Variants in ATXN7L1 observed in about 807,000 individuals in gnomAD.
ATXN7L1 encodes the protein ataxin 7 like 1, also known as ataxin-7-like protein 1.
ATXN7L1 carries 15 observed loss-of-function variants against 70.8 expected under a neutral mutation model. The observed-to-expected ratio is 0.21, with a 90% CI of 0.14 to 0.33. The LOEUF (loss-of-function observed/expected upper bound fraction) is 0.33. ATXN7L1 is among the 10% of genes least tolerant of loss of function. ATXN7L1 has a pLI of 1.00. For missense variants in ATXN7L1, 975 were observed against 1,097.1 expected, an observed-to-expected ratio of 0.89 and a Z score of 1.57; for synonymous variants, 440 against 445.1, an observed-to-expected ratio of 0.99 and a Z score of 0.14.
intron 7 of ATXN7L1, among the ~76,000 whole-genome samples, chr7:105,626,674 T>C (rs1795738532): frequency 6.6e-6 from 1 of 152,178 alleles, no homozygotes; most frequent in Admixed American, 6.5e-5. Flanking sequence ...TACCTGTTCT[T>C]CTGTATCAGG....
Position 105,664,959 on chromosome 7 carries a change from T to A in ATXN7L1, c.578+107A>T, listed in dbSNP as rs1802394789. ...TTCATTCCTCAGTCCCCCAAATTCC[T>A]GCATGTGACACCTAGGAACAAAGCC... On this transcript the variant is annotated intron_variant, in intron 4 of 11. Coordinates refer to ENST00000419735, the MANE Select transcript of ATXN7L1 (RefSeq NM_020725.2). 3 of 1,144,270 alleles carry A rather than the reference T, an allele frequency of 2.6e-6. No individual in the cohort carries two copies. In the Admixed American group the frequency reaches 7.6e-5, roughly 29 times the overall value. The allele number at this position is 1,144,270 out of a possible 1,614,324, so 70.9% of individuals were successfully genotyped here. A position where few individuals can be genotyped will look rare whatever the true frequency, so the allele number is the denominator to read the frequency against.
chr7:105,876,268 G>A, intron 1 of ATXN7L1, 110 bp downstream of exon 1: 1 of 1,319,398 alleles, frequency 7.6e-7, no homozygotes. Context: ...GAAGCATGGA[G>A]GACACCGGGG....
intron 4 of ATXN7L1, among the ~76,000 whole-genome samples, chr7:105,657,073 A>G (rs471303): frequency 0.3 from 45,076 of 151,958 alleles, 7,273 homozygotes; most frequent in African/African-American, 0.42. Context: ...TCTAAGGGCC[A>G]CGGTCCAGTA....
chr7:105,613,739 G>A lies in ATXN7L1; in HGVS notation c.2472+123C>T, dbSNP rs74347943. 2.6e-5 allele frequency: 39 copies of A among 1,521,570 alleles called. No individual in the cohort carries two copies. The East Asian group carries it at 3.2e-4, about 13-fold the overall frequency. 94.3% of individuals were successfully genotyped at this position (1,521,570 alleles called of 1,614,324 possible). ...AAAGCAGAGGGTGAAAACTGCCTTC[G>A]GGGAAAACGAGAACAGGAATCAAGC... On this transcript the variant is annotated intron_variant, in intron 10 of 11. Coordinates refer to ENST00000419735, the MANE Select transcript of ATXN7L1 (RefSeq NM_020725.2).
At chr7:105,729,301 G>GAATA (rs56308500) in intron 3 of ATXN7L1, among the ~76,000 whole-genome samples, 5,923 of 147,614 alleles carry the variant, frequency 0.04, 150 homozygotes, top group East Asian at 0.076. Context: ...ATGAATGAAT[G>GAATA]AATAAATAAA....
rs1235885066 is a variant in ATXN7L1 at position 105,864,418 on chromosome 7, C to CT, written c.250+11393dup. Among the ~76,000 whole-genome samples, 4 of 132,278 alleles carry CT rather than the reference C, an allele frequency of 3.0e-5. No individual in the cohort carries two copies. In the East Asian group the frequency reaches 9.3e-4, roughly 31 times the overall value. The allele number at this position is 132,278 out of a possible 152,430, so 86.8% of individuals were successfully genotyped here. A position where few individuals can be genotyped will look rare whatever the true frequency, so the allele number is the denominator to read the frequency against. ...CGCTGCAGTGAGCTTGATCATGCCA[C>CT]TGCACTCCAGCCTGGGTGGCAGAGA... On this transcript the variant is annotated intron_variant, in intron 2 of 11. Transcript: ENST00000419735.
intron 3 of ATXN7L1, among the ~76,000 whole-genome samples, chr7:105,736,283 TTTAA>T (rs1371699294): frequency 3.9e-5 from 6 of 152,230 alleles, no homozygotes; most frequent in Non-Finnish European, 8.8e-5. Flanking sequence ...CACATTGCTA[TTTAA>T]TTATTTATGT....
At chr7:105,694,089 C>G (rs1429490604) in intron 3 of ATXN7L1, among the ~76,000 whole-genome samples, 1 of 150,630 alleles carries the variant, frequency 6.6e-6, no homozygotes, top group Non-Finnish European at 1.5e-5. Context: ...GCTCTGTTGC[C>G]TAGGCTGGAG....
Position 105,749,623 on chromosome 7 carries a change from CA to C in ATXN7L1, c.355+38980del, listed in dbSNP as rs34443905. Among the ~76,000 whole-genome samples, 225 of 131,442 alleles carry C rather than the reference CA, an allele frequency of 1.7e-3. 1 individual carries two copies. Among genetic ancestry groups the C allele is most frequent in the Middle Eastern group, 4.0e-3 (1 of 250 alleles). 86.2% of individuals were successfully genotyped at this position (131,442 alleles called of 152,430 possible). On this transcript the variant is annotated intron_variant, in intron 3 of 11. Coordinates refer to ENST00000419735, the MANE Select transcript of ATXN7L1 (RefSeq NM_020725.2). The stretch of plus-strand genomic sequence containing the variant: ...TGGGCAACAGAGTGAGACTCTGTCT[CA>C]AAAAAAAAAAAAGAGTGAGAGGTTG...
At chr7:105,752,333 A>C (rs901241552) in intron 3 of ATXN7L1, among the ~76,000 whole-genome samples, 2 of 152,234 alleles carry the variant, frequency 1.3e-5, no homozygotes, top group Non-Finnish European at 1.5e-5. Context: ...AAGGTGGAAC[A>C]GTTGCAGGCC....
chr7:105,762,227 C>A (rs1409468881), intron 3 of ATXN7L1, among the ~76,000 whole-genome samples: 1 of 152,200 alleles, frequency 6.6e-6, no homozygotes, highest in Non-Finnish European at 1.5e-5. Flanking sequence ...CAATGACTTT[C>A]CTGAGAATCA....
chr7:105,714,955 A>G (rs1794361977), intron 3 of ATXN7L1, among the ~76,000 whole-genome samples: 1 of 151,924 alleles, frequency 6.6e-6, no homozygotes, highest in Non-Finnish European at 1.5e-5. Context: ...GGCACCAGTA[A>G]ATTGCATGGA....
intron 7 of ATXN7L1, among the ~76,000 whole-genome samples, chr7:105,636,588 G>C (rs576212306): frequency 4.1e-4 from 63 of 152,152 alleles, no homozygotes; most frequent in South Asian, 1.2e-3. Flanking sequence ...AACCCAAAAG[G>C]AACAGTCGGA....
chr7:105,699,038 A>G (rs1191281700), intron 3 of ATXN7L1, among the ~76,000 whole-genome samples: 1 of 152,196 alleles, frequency 6.6e-6, no homozygotes, highest in Non-Finnish European at 1.5e-5. Context: ...GAAGGCAGAA[A>G]GCCTTTCCAT....
chr7:105,865,455 G>C (rs1347688669), intron 2 of ATXN7L1, among the ~76,000 whole-genome samples: 1 of 151,072 alleles, frequency 6.6e-6, no homozygotes, highest in African/African-American at 2.4e-5. Context: ...AGGCTGGGGT[G>C]CAGTGGCGCG....
rs963614418 is a variant in ATXN7L1, at chr7:105,722,990, T to C, written c.356-57702A>G. Among the ~76,000 whole-genome samples the C allele has an allele frequency of 3.3e-5, 5 of 152,154 alleles. No homozygotes were observed. The East Asian group carries it at 9.7e-4, about 29-fold the overall frequency. On this transcript the variant is annotated intron_variant, in intron 3 of 11. Coordinates refer to ENST00000419735, the MANE Select transcript of ATXN7L1 (RefSeq NM_020725.2). ...ACTTGGGAGGCTGAGGAGGGAGGAT[T>C]GCTTGGAGTCAAGAGTTTAAGACCA...
chr7:105,766,992 A>G (rs1432051214), intron 3 of ATXN7L1, among the ~76,000 whole-genome samples: 2 of 152,244 alleles, frequency 1.3e-5, no homozygotes, highest in South Asian at 2.1e-4. Flanking sequence ...CGTGTGCAGC[A>G]GAGAGCAGAT....
intron 2 of ATXN7L1, among the ~76,000 whole-genome samples, chr7:105,827,214 G>A (rs1197343442): frequency 6.6e-6 from 1 of 152,210 alleles, no homozygotes; most frequent in Non-Finnish European, 1.5e-5. Context: ...GACTTCTCTT[G>A]TTGGATTTGG....
rs1429005449 is a variant in ATXN7L1, at chr7:105,638,454, C to T, written c.1101G>A (p.Gly367=). 1 of 1,552,202 alleles carries T rather than the reference C, an allele frequency of 6.4e-7. No individual in the cohort carries two copies. The highest frequency in any genetic ancestry group is 1.4e-5 in the African/African-American group (1 of 73,020). ...ACCCTAGCAGAGAATCCTGTGCCGG[C>T]CCGGATTGGCTTGGAAGTATTTCCC... ...STREILPSQS[G]PAQDSLLGSS... The change falls in exon 7 of 12, where the codon GGG becomes GGA. Residue 367 remains glycine (G), a synonymous_variant. Coordinates refer to ENST00000419735, the MANE Select transcript of ATXN7L1 (RefSeq NM_020725.2).
Sources: gnomAD v4.1 joint callset for allele counts (sites outside exome capture counted in the v4.1 genomes callset) on GRCh38, gnomAD v4.1.1 for gene constraint, MANE v1.5 for transcripts, NCBI Gene and HGNC (gene_info 2026-07-23, HGNC 2026-07-21) for gene names.